Variants in MOB3B observed in about 807,000 individuals in gnomAD.
The protein encoded by MOB3B is MOB kinase activator 3B, also known as MOB kinase activator-like 2B.
Under a neutral mutation model 18.7 loss-of-function variants are expected in MOB3B, and 7 were observed. The ratio of observed to expected loss-of-function variants is 0.37; its 90% CI spans 0.21 to 0.70. The LOEUF (loss-of-function observed/expected upper bound fraction) is 0.70. Ranked by LOEUF, MOB3B falls within the 30% of genes least tolerant of loss-of-function variation. MOB3B has a pLI of 0.52. For synonymous variants in MOB3B, 111 were observed against 99.9 expected, an observed-to-expected ratio of 1.11 and a Z score of -0.66; for missense variants, 253 against 281.3, an observed-to-expected ratio of 0.90 and a Z score of 0.72.
intron 2 of MOB3B, among the ~76,000 whole-genome samples, chr9:27,420,338 A>G (rs1283430434): frequency 2.0e-5 from 3 of 151,940 alleles, no homozygotes; most frequent in South Asian, 2.1e-4. Context: ...TCATTATTCG[A>G]AAAAGATATT....
At chr9:27,425,705 G>A (rs898484733) in intron 2 of MOB3B, among the ~76,000 whole-genome samples, 2 of 151,582 alleles carry the variant, frequency 1.3e-5, no homozygotes, top group East Asian at 1.9e-4. Context: ...GTCCAATGCA[G>A]TGGGCTTATG....
intron 1 of MOB3B, among the ~76,000 whole-genome samples, chr9:27,490,365 A>G (rs1042049175): frequency 6.6e-6 from 1 of 152,224 alleles, no homozygotes; most frequent in Admixed American, 6.5e-5. Flanking sequence ...ACACCCCTGC[A>G]ATAAAATATT....
At chr9:27,470,162 T>C (rs1819451039) in intron 1 of MOB3B, among the ~76,000 whole-genome samples, 1 of 151,694 alleles carries the variant, frequency 6.6e-6, no homozygotes, top group South Asian at 2.1e-4. Context: ...ACTGTCTTTT[T>C]AGATCTATGG....
intron 3 of MOB3B, among the ~76,000 whole-genome samples, chr9:27,356,338 T>C (rs1190992171): frequency 6.6e-6 from 1 of 152,232 alleles, no homozygotes; most frequent in Non-Finnish European, 1.5e-5. Context: ...CTGTTAAAAA[T>C]GTCTGGTTAA....
At chr9:27,341,926 C>G (rs1820947997) in intron 3 of MOB3B, among the ~76,000 whole-genome samples, 1 of 152,146 alleles carries the variant, frequency 6.6e-6, no homozygotes, top group Admixed American at 6.5e-5. Flanking sequence ...CAGTCCACAC[C>G]TGTTTTTGTA....
intron 1 of MOB3B, among the ~76,000 whole-genome samples, chr9:27,514,155 T>C (rs1820192922): frequency 6.6e-6 from 1 of 152,006 alleles, no homozygotes. Context: ...ACATGGTGAG[T>C]TCTACTCTTA....
intron 1 of MOB3B, among the ~76,000 whole-genome samples, chr9:27,481,514 T>TTC (rs1336305612): frequency 7.3e-6 from 1 of 136,536 alleles, no homozygotes; most frequent in East Asian, 2.0e-4. Flanking sequence ...TTTTTTTGTT[T>TTC]TTTTTGTTTT....
chr9:27,418,378 A>C (rs1206966803), intron 2 of MOB3B, among the ~76,000 whole-genome samples: 1 of 152,040 alleles, frequency 6.6e-6, no homozygotes, highest in Non-Finnish European at 1.5e-5. Flanking sequence ...AAAAAATATA[A>C]CCAAAAAAGA....
chr9:27,412,482 C>T (rs1257833603), intron 2 of MOB3B, among the ~76,000 whole-genome samples: 1 of 152,156 alleles, frequency 6.6e-6, no homozygotes, highest in African/African-American at 2.4e-5. Context: ...AGGAAATGCT[C>T]AGTACCAGGA....
chr9:27,396,679 C>T (rs1223347405), intron 2 of MOB3B, among the ~76,000 whole-genome samples: 1 of 152,148 alleles, frequency 6.6e-6, no homozygotes, highest in Non-Finnish European at 1.5e-5. Flanking sequence ...TTATTCCAGT[C>T]TGTGAATAAG....
chr9:27,439,299 G>T (rs1205971804), intron 2 of MOB3B, among the ~76,000 whole-genome samples: 1 of 152,128 alleles, frequency 6.6e-6, no homozygotes, highest in Non-Finnish European at 1.5e-5. Context: ...TCTTAATTGT[G>T]AAACTACAAG....
At chr9:27,477,459 A>G (rs745598149) in intron 1 of MOB3B, among the ~76,000 whole-genome samples, 2 of 152,228 alleles carry the variant, frequency 1.3e-5, no homozygotes, top group Non-Finnish European at 2.9e-5. Context: ...ATTTTACTAT[A>G]TGTTTTACTT....
rs544106302 is a variant in MOB3B, at chr9:27,364,942, A to G, written c.419-5706T>C. Among the ~76,000 whole-genome samples, 109 of 152,310 alleles carry G rather than the reference A, an allele frequency of 7.2e-4. 1 individual carries two copies. The highest frequency in any genetic ancestry group is 2.6e-3 in the African/African-American group (107 of 41,566). On this transcript the variant is annotated intron_variant, in intron 2 of 3. Coordinates refer to ENST00000262244, the MANE Select transcript of MOB3B (RefSeq NM_024761.5). ...GCAGGTACTAAATAAGCCCTGGAGT[A>G]TAATCTACCTTGCATTATTTTCTAC...
intron 2 of MOB3B, among the ~76,000 whole-genome samples, chr9:27,404,656 C>T (rs980281701): frequency 6.6e-6 from 1 of 152,132 alleles, no homozygotes; most frequent in Non-Finnish European, 1.5e-5. Context: ...CTATGCCTGG[C>T]TAATTAAACC....
At chr9:27,379,748 C>A (rs770214738) in intron 2 of MOB3B, among the ~76,000 whole-genome samples, 13 of 152,122 alleles carry the variant, frequency 8.5e-5, no homozygotes, top group Non-Finnish European at 1.6e-4. Flanking sequence ...GTGAAACAGA[C>A]CCTCAGATCT....
At chr9:27,337,914 T>C (rs887904326) in intron 3 of MOB3B, among the ~76,000 whole-genome samples, 4 of 152,160 alleles carry the variant, frequency 2.6e-5, no homozygotes, top group African/African-American at 4.8e-5. Flanking sequence ...ATCGTCCAGT[T>C]TGAAGGGCTC....
chr9:27,425,248 G>A (rs571429556), intron 2 of MOB3B, among the ~76,000 whole-genome samples: 5 of 152,130 alleles, frequency 3.3e-5, no homozygotes, highest in South Asian at 4.2e-4. Context: ...GATGGAGCAC[G>A]CCTGCAATCC....
intron 2 of MOB3B, among the ~76,000 whole-genome samples, chr9:27,434,141 T>C (rs1308060656): frequency 6.6e-6 from 1 of 152,216 alleles, no homozygotes; most frequent in Non-Finnish European, 1.5e-5. Context: ...GTTGATTAGA[T>C]ACTGATGTAG....
chr9:27,444,316 AAAGG>A (rs1167636278), intron 2 of MOB3B, among the ~76,000 whole-genome samples: 4 of 65,996 alleles, frequency 6.1e-5, no homozygotes, highest in African/African-American at 2.3e-4. Context: ...AGGAAGGAAG[AAAGG>A]AAGGAAGGAA....
Sources: allele counts gnomAD v4.1 joint callset (sites outside exome capture counted in the v4.1 genomes callset), GRCh38; gene constraint gnomAD v4.1.1; transcripts MANE v1.5; gene names NCBI Gene and HGNC (gene_info 2026-07-23, HGNC 2026-07-21).